TRPM1: variants seen among roughly 807,000 people sequenced by gnomAD.
The protein encoded by TRPM1 is TRPM1-203 APA Isoform, Intron 10.
TRPM1 carries 113 observed loss-of-function variants against 149.4 expected under a neutral mutation model. The ratio of observed to expected loss-of-function variants is 0.76; its 90% CI spans 0.65 to 0.88. TRPM1 has a LOEUF of 0.88. Among genes scored for constraint, TRPM1 ranks in the 40% least tolerant of loss-of-function variants. The pLI, the probability that TRPM1 is intolerant of heterozygous loss-of-function variation, is 0.00. For missense variants in TRPM1, 1,976 were observed against 2,038.7 expected (o/e 0.97, Z 0.59); for synonymous variants, 741 against 759.5 (o/e 0.98, Z 0.40).
Position 31,031,126 on chromosome 15 carries a change from A to G in TRPM1, c.2984T>C (p.Met995Thr). ...MIDMLYFVVI[M>T]LVVLMSFGVA... is the part of the protein sequence containing the mutation. ...TCCGAAACTCATGAGCACGACCAGC[A>G]TGATGACCACAAAGTACAGCATGTC... Residue 995 changes from methionine (M) to threonine (T), a missense_variant, in exon 23 of 28, where the codon ATG becomes ACG. Physicochemically the swap from Met to Thr is moderately conservative, Grantham distance 81. Coordinates refer to ENST00000256552, the MANE Select transcript of TRPM1 (RefSeq NM_001252024.2). 8 of 1,614,254 alleles carry G rather than the reference A, an allele frequency of 5.0e-6. 1 individual carries two copies. Among genetic ancestry groups the G allele is most frequent in the South Asian group, 2.2e-5 (2 of 91,082 alleles).
At chr15:31,138,943 C>T (rs74010802) in intron 1 of TRPM1, among the ~76,000 whole-genome samples, 3,624 of 152,064 alleles carry the variant, frequency 0.024, 127 homozygotes, top group African/African-American at 0.076. Flanking sequence ...AAATGACTTA[C>T]CTTTGTATAA....
chr15:31,136,313 C>A (rs28431191), intron 1 of TRPM1, among the ~76,000 whole-genome samples: 12,172 of 152,210 alleles, frequency 0.08, 537 homozygotes, highest in Middle Eastern at 0.1. Flanking sequence ...TCTCCCACAC[C>A]AGCCCCTGCC....
chr15:31,136,282 C>T (rs2036087182), intron 1 of TRPM1, among the ~76,000 whole-genome samples: 1 of 152,154 alleles, frequency 6.6e-6, no homozygotes, highest in East Asian at 1.9e-4. Context: ...GACATTAGCT[C>T]TGTGTTTCCA....
chr15:31,101,903 G>A (rs962461602), upstream of TRPM1, among the ~76,000 whole-genome samples: 1 of 152,268 alleles, frequency 6.6e-6, no homozygotes, highest in East Asian at 1.9e-4. Flanking sequence ...ATCCCACAAA[G>A]GCAGCCTTAG....
intron 8 of TRPM1, 95 bp from the exon 9 acceptor site, chr15:31,062,797 T>C: frequency 2.9e-6 from 4 of 1,396,738 alleles, no homozygotes; most frequent in Non-Finnish European, 4.0e-6. Flanking sequence ...GAGACTTTGC[T>C]GTGGGAGGAT....
chr15:31,112,524 A>G (rs903229984), intron 1 of TRPM1, among the ~76,000 whole-genome samples: 3 of 152,216 alleles, frequency 2.0e-5, no homozygotes, highest in Non-Finnish European at 2.9e-5. Context: ...CAGTCCTGGG[A>G]AACTTTGCTT....
At chr15:31,124,941 A>T (rs1159823786) in intron 1 of TRPM1, among the ~76,000 whole-genome samples, 2 of 152,138 alleles carry the variant, frequency 1.3e-5, no homozygotes, top group Non-Finnish European at 2.9e-5. Flanking sequence ...TGGGAGGCCG[A>T]GGTGGGCGGA....
upstream of TRPM1, among the ~76,000 whole-genome samples, chr15:31,102,970 G>A (rs761880011): frequency 1.3e-5 from 2 of 152,228 alleles, no homozygotes; most frequent in Non-Finnish European, 2.9e-5. Context: ...CGGGGGCTGA[G>A]GGAGGGTGCT....
At position 31,026,165 on chromosome 15, in the gene TRPM1, G is replaced by A. The variant is rs760323201; in HGVS notation, c.3603C>T (p.Asp1201=). The change falls in exon 27 of 28, where the codon GAC becomes GAT. Residue 1201 remains aspartate, a synonymous_variant. Transcript: ENST00000256552. ...TTTCAGAAGTGACCCGGATGCGCTC[G>A]TCGCTGGACGACTGCTGCTCATCCT... is the stretch of plus-strand genomic sequence containing the variant. ...EKEDEQQSSS[D]ERIRVTSERV... is the part of the protein sequence containing the mutation. The A allele has an allele frequency of 5.0e-6, 8 of 1,612,116 alleles. No homozygotes were observed. The highest frequency in any genetic ancestry group is 6.8e-6 in the Non-Finnish European group (8 of 1,180,026).
At chr15:31,046,311 A>C (rs2033762513) in intron 15 of TRPM1, 78 bp from the exon 16 acceptor site, 1 of 1,362,390 alleles carries the variant, frequency 7.3e-7, no homozygotes, top group Non-Finnish European at 1.0e-6. Flanking sequence ...AGTATTGTTG[A>C]TAGTGGACAT....
At chr15:31,034,217 T>A (rs972936183) in intron 21 of TRPM1, among the ~76,000 whole-genome samples, 2 of 152,236 alleles carry the variant, frequency 1.3e-5, no homozygotes, top group East Asian at 3.8e-4. Flanking sequence ...TCCTCTGCTG[T>A]CTGCAGAGAT....
chr15:31,131,777 C>T (rs998471219), intron 1 of TRPM1, among the ~76,000 whole-genome samples: 2 of 152,134 alleles, frequency 1.3e-5, no homozygotes, highest in Non-Finnish European at 2.9e-5. Flanking sequence ...GGAGTCAGGG[C>T]ACTTGGGCCC....
chr15:31,073,003 A>G (rs2034600164), intron 3 of TRPM1, among the ~76,000 whole-genome samples: 1 of 152,054 alleles, frequency 6.6e-6, no homozygotes, highest in African/African-American at 2.4e-5. Context: ...CTTGAAGCAC[A>G]GTGTTTAATT....
chr15:31,090,414 C>T (rs1343954730), intron 1 of TRPM1, among the ~76,000 whole-genome samples: 7 of 151,988 alleles, frequency 4.6e-5, no homozygotes, highest in African/African-American at 7.3e-5. Context: ...CGAGGCAGGC[C>T]GGTCACGAGG....
At chr15:31,097,773 CA>C (rs2141011100) in intron 1 of TRPM1, among the ~76,000 whole-genome samples, 1 of 152,252 alleles carries the variant, frequency 6.6e-6, no homozygotes, top group East Asian at 1.9e-4. Flanking sequence ...AGCTGTCCCG[CA>C]TGGTAGACCC....
chr15:31,130,552 G>A (rs2036003777), intron 1 of TRPM1, among the ~76,000 whole-genome samples: 1 of 152,216 alleles, frequency 6.6e-6, no homozygotes, highest in South Asian at 2.1e-4. Context: ...TGAAGCCAGA[G>A]GCTGCAAGAT....
In TRPM1 at chr15:31,042,173, A is replaced by G. The variant is rs965496685; in HGVS notation, c.1865T>C (p.Val622Ala). Residue 622 changes from valine (V) to alanine (A), a missense_variant, in exon 17 of 28, where the codon GTG becomes GCG. By Grantham distance (64) the Val-to-Ala change is moderately conservative. This residue lies in a region of TRPM1 where 1,332 missense variants were observed against 1,347.1 expected (regional missense o/e 0.99). Transcript: ENST00000256552. ...KKKEEEIDID[V>A]DDPAVSRFQY... ...GAACCGACTCACGGCAGGGTCGTCC[A>G]CATCAATGTCGATCTCTTCCTCCTT... 6.2e-7 allele frequency: 1 copy of G among 1,614,100 alleles called. No homozygotes were observed. Among genetic ancestry groups the G allele is most frequent in the Non-Finnish European group, 8.5e-7 (1 of 1,179,984 alleles).
intron 27 of TRPM1, among the ~76,000 whole-genome samples, chr15:31,009,946 G>A (rs2032124262): frequency 6.6e-6 from 1 of 152,016 alleles, no homozygotes. Flanking sequence ...CAGAGCCTTT[G>A]CAATTTTGTT....
chr15:31,114,418 T>C (rs1295259602), intron 1 of TRPM1, among the ~76,000 whole-genome samples: 2 of 152,234 alleles, frequency 1.3e-5, no homozygotes, highest in African/African-American at 4.8e-5. Flanking sequence ...AGTCTATTAT[T>C]GATGGGCATT....
Sources: gnomAD v4.1 joint callset for allele counts (sites outside exome capture counted in the v4.1 genomes callset) on GRCh38, gnomAD v4.1.1 for gene constraint, gnomAD v4.1.1 regional missense constraint, MANE v1.5 for transcripts, NCBI Gene and HGNC (gene_info 2026-07-23, HGNC 2026-07-21) for gene names.